The following UBE2B variants were observed in gnomAD, a reference collection of about 807,000 sequenced individuals.
UBE2B encodes ubiquitin-conjugating enzyme E2 B.
UBE2B carries 11 observed loss-of-function variants against 24.6 expected under a neutral mutation model. That is an observed-to-expected ratio of 0.45 (90% CI 0.28 to 0.74). The LOEUF (loss-of-function observed/expected upper bound fraction) is 0.74. Among genes scored for constraint, UBE2B ranks in the 30% least tolerant of loss-of-function variants. The pLI is 0.13. For missense variants in UBE2B, 78 were observed against 185.6 expected (o/e 0.42, Z 3.37); for synonymous variants, 68 against 62.4 (o/e 1.09, Z -0.42).
At chr5:134,372,688 T>C (rs1336688198) in intron 1 of UBE2B, among the ~76,000 whole-genome samples, 3 of 152,170 alleles carry the variant, frequency 2.0e-5, no homozygotes, top group Non-Finnish European at 4.4e-5. Context: ...CTCTTAGCCA[T>C]TTAAAGGTAG....
intron 4 of UBE2B, among the ~76,000 whole-genome samples, chr5:134,382,625 T>G (rs1005056937): frequency 4.6e-5 from 7 of 151,802 alleles, no homozygotes; most frequent in Admixed American, 1.3e-4. Flanking sequence ...AATACAAAAA[T>G]TAGCTGGGCA....
intron 4 of UBE2B, among the ~76,000 whole-genome samples, chr5:134,383,377 T>G (rs777364102): frequency 1.3e-5 from 2 of 151,568 alleles, no homozygotes; most frequent in East Asian, 1.9e-4. Context: ...TCGTGTGATC[T>G]CGACTCATCG....
chr5:134,376,451 A>G (rs766885910), intron 2 of UBE2B, among the ~76,000 whole-genome samples: 6 of 145,036 alleles, frequency 4.1e-5, no homozygotes, highest in Non-Finnish European at 9.0e-5. Context: ...TGGTTTGGTA[A>G]AACCACCCTA....
At position 134,380,823 on chromosome 5, in the gene UBE2B, A is replaced by G; in HGVS notation, c.241+15A>G. The G allele has an allele frequency of 6.4e-7, 1 of 1,552,078 alleles. No individual in the cohort carries two copies. On this transcript the variant is annotated intron_variant, in intron 4 of 5. Transcript: ENST00000265339. ...TCATCCAAATGGTAAGTAGCATTTT[A>G]TAGATTTTGCAGATGATAGTGGGGA...
In UBE2B at chr5:134,391,650, A is replaced by G. The variant is rs755003757; in HGVS notation, c.*1297A>G. ...ATCTACAGCTTCTATTCATTATGCA[A>G]CGTTTAACATTGATTGGATAAATGC... On this transcript the variant is annotated 3_prime_UTR_variant, in exon 6 of 6. Coordinates refer to ENST00000265339, the MANE Select transcript of UBE2B (RefSeq NM_003337.4). 3.9e-5 allele frequency: 6 copies of G among 152,672 alleles called. No homozygotes were observed. Among genetic ancestry groups the G allele is most frequent in the South Asian group, 2.1e-4 (1 of 4,830 alleles). 9.5% of individuals were successfully genotyped at this position (152,672 alleles called of 1,614,324 possible).
Position 134,380,787 on chromosome 5 carries a change from T to C in UBE2B, c.220T>C (p.Ser74Pro). The stretch of plus-strand genomic sequence containing the variant: ...TAAACCACCAACTGTTAGGTTTTTA[T>C]CCAAAATGTTTCATCCAAATGGTAA... ...PNKPPTVRFL[S>P]KMFHPNVYAD... The change falls in exon 4 of 6, where the codon TCC becomes CCC. Residue 74 changes from serine to proline, a missense_variant. This residue lies in a region of UBE2B where 57 missense variants were observed against 167.7 expected (regional missense o/e 0.34). Transcript: ENST00000265339. 2 of 1,594,854 alleles carry C rather than the reference T, an allele frequency of 1.3e-6. No individual in the cohort carries two copies. Among genetic ancestry groups the C allele is most frequent in the Non-Finnish European group, 1.7e-6 (2 of 1,163,244 alleles).
intron 4 of UBE2B, among the ~76,000 whole-genome samples, chr5:134,385,967 C>G (rs1186419662): frequency 6.6e-6 from 1 of 150,626 alleles, no homozygotes; most frequent in Non-Finnish European, 1.5e-5. Context: ...GAGCCGAGAT[C>G]ACGCCACTGC....
At chr5:134,374,244 G>A (rs1022808540) in intron 1 of UBE2B, 139 bp from the exon 2 acceptor site, 3 of 766,688 alleles carry the variant, frequency 3.9e-6, no homozygotes, top group East Asian at 5.4e-5. Flanking sequence ...AAGTCATATG[G>A]TTCATTTTAG....
chr5:134,385,609 T>C (rs1758786324), intron 4 of UBE2B: 1 of 152,150 alleles, frequency 6.6e-6, no homozygotes, highest in Admixed American at 6.6e-5. Flanking sequence ...GGAAGAACCC[T>C]CCCAGATGTT....
intron 2 of UBE2B, 104 bp downstream of exon 2, chr5:134,374,567 C>A: frequency 8.0e-7 from 1 of 1,242,500 alleles, no homozygotes; most frequent in Non-Finnish European, 1.2e-6. Flanking sequence ...AATGAGAGAT[C>A]TTAAGGACTA....
intron 3 of UBE2B, among the ~76,000 whole-genome samples, chr5:134,377,616 G>A (rs774886105): frequency 6.6e-6 from 1 of 152,132 alleles, no homozygotes; most frequent in Non-Finnish European, 1.5e-5. Flanking sequence ...TTATCTGTGG[G>A]GGGGGTAAGG....
At chr5:134,376,429 A>G (rs1280886738) in intron 2 of UBE2B, among the ~76,000 whole-genome samples, 1 of 139,706 alleles carries the variant, frequency 7.2e-6, no homozygotes, top group Non-Finnish European at 1.5e-5. Flanking sequence ...ATTATGGGCA[A>G]GTTTTTTTGT....
At chr5:134,371,731 C>G in intron 1 of UBE2B, 92 bp downstream of exon 1, 2 of 1,568,466 alleles carry the variant, frequency 1.3e-6, no homozygotes, top group Non-Finnish European at 1.7e-6. Context: ...TTGTGACCCT[C>G]AGAGGGCCGG....
At chr5:134,388,911 CTT>C in intron 5 of UBE2B, 3 of 228,816 alleles carry the variant, frequency 1.3e-5, no homozygotes, top group South Asian at 3.8e-5. Flanking sequence ...TTGTGATGTT[CTT>C]TTTAAAGTTT....
At chr5:134,373,933 C>T (rs186948631) in intron 1 of UBE2B, among the ~76,000 whole-genome samples, 5 of 152,148 alleles carry the variant, frequency 3.3e-5, no homozygotes, top group East Asian at 1.9e-4. Flanking sequence ...TGAGTAGTGC[C>T]GCAATAAACA....
intron 2 of UBE2B, chr5:134,374,691 C>A (rs929153275): frequency 4.6e-5 from 23 of 499,888 alleles, no homozygotes; most frequent in African/African-American, 3.5e-4. Context: ...CCAGCCTGGG[C>A]GATATAGTGA....
In UBE2B at chr5:134,376,348, A is replaced by AATATATATATATATATAT. The variant is rs1190025064; in HGVS notation, c.126-304_126-303insTATATATATATATATATA. On this transcript the variant is annotated intron_variant, in intron 2 of 5. Coordinates refer to ENST00000265339, the MANE Select transcript of UBE2B (RefSeq NM_003337.4). ...AAAAAAAAAAAAAAAAAAAAAAAAA[A>AATATATATATATATATAT]ATATATATATATATATACACATATG... 6.7e-3 allele frequency among the ~76,000 whole-genome samples: 32 copies of AATATATATATATATATAT among 4,762 alleles called. 2 individuals are homozygous for AATATATATATATATATAT. The highest frequency in any genetic ancestry group is 6.7e-3 in the Non-Finnish European group (12 of 1,796). 3.1% of individuals were successfully genotyped at this position (4,762 alleles called of 152,430 possible).
At chr5:134,388,239 TA>T in intron 4 of UBE2B, 85 bp from the exon 5 acceptor site, 1 of 1,172,534 alleles carries the variant, frequency 8.5e-7, no homozygotes, top group Non-Finnish European at 1.3e-6. Context: ...TTAAAACTTC[TA>T]AGCCAAGCAT....
At chr5:134,382,358 G>A (rs916550790) in intron 4 of UBE2B, among the ~76,000 whole-genome samples, 3 of 152,124 alleles carry the variant, frequency 2.0e-5, no homozygotes, top group Non-Finnish European at 2.9e-5. Context: ...GGAGGCTGAG[G>A]TGAGAGGATC....
Sources: allele counts gnomAD v4.1 joint callset (sites outside exome capture counted in the v4.1 genomes callset), GRCh38; gene constraint gnomAD v4.1.1; regional missense constraint gnomAD v4.1.1; transcripts MANE v1.5; gene names NCBI Gene and HGNC (gene_info 2026-07-23, HGNC 2026-07-21).